The following CHCHD6 variants were observed in gnomAD, a reference collection of about 807,000 sequenced individuals.
The protein encoded by CHCHD6 is coiled-coil-helix-coiled-coil-helix domain containing 6.
CHCHD6 carries 28 observed loss-of-function variants against 32.3 expected under a neutral mutation model. The ratio of observed to expected loss-of-function variants is 0.87; its 90% CI spans 0.64 to 1.19. The LOEUF (loss-of-function observed/expected upper bound fraction) is 1.19. Ranked by LOEUF, CHCHD6 falls within the 50% of genes most tolerant of loss-of-function variation. CHCHD6 has a pLI of 0.00. For missense variants in CHCHD6, 333 were observed against 307.0 expected, an observed-to-expected ratio of 1.08 and a Z score of -0.63; for synonymous variants, 122 against 117.5, an observed-to-expected ratio of 1.04 and a Z score of -0.25.
At chr3:126,926,807 G>C (rs1358676523) in intron 6 of CHCHD6, among the ~76,000 whole-genome samples, 1 of 152,120 alleles carries the variant, frequency 6.6e-6, no homozygotes, top group Non-Finnish European at 1.5e-5. Context: ...GGCAGCATTT[G>C]GGAGAACCAA....
intron 4 of CHCHD6, among the ~76,000 whole-genome samples, chr3:126,794,341 G>T (rs138100304): frequency 2.1e-5 from 3 of 143,530 alleles, no homozygotes; most frequent in African/African-American, 7.7e-5. Context: ...CATTTAGACT[G>T]TAATGGTTCT....
intron 4 of CHCHD6, among the ~76,000 whole-genome samples, chr3:126,788,356 G>A (rs547360189): frequency 2.6e-5 from 4 of 152,336 alleles, no homozygotes; most frequent in Non-Finnish European, 4.4e-5. Context: ...AATTAGGGAT[G>A]ATTCCCTCTT....
intron 4 of CHCHD6, among the ~76,000 whole-genome samples, chr3:126,836,246 A>G (rs1370719019): frequency 6.6e-6 from 1 of 151,980 alleles, no homozygotes; most frequent in African/African-American, 2.4e-5. Flanking sequence ...GGTATTTGTT[A>G]TGGTGTTTGT....
intron 4 of CHCHD6, among the ~76,000 whole-genome samples, chr3:126,746,620 A>G (rs900179214): frequency 1.3e-5 from 2 of 152,108 alleles, no homozygotes; most frequent in Admixed American, 6.5e-5. Flanking sequence ...TGATGTCGGC[A>G]CCTTATCTTC....
At chr3:126,712,793 G>C (rs984434304) in intron 1 of CHCHD6, among the ~76,000 whole-genome samples, 1 of 152,168 alleles carries the variant, frequency 6.6e-6, no homozygotes, top group African/African-American at 2.4e-5. Flanking sequence ...ATCCAACCCA[G>C]AGCTTTCTAA....
intron 1 of CHCHD6, among the ~76,000 whole-genome samples, chr3:126,723,684 T>C (rs984045124): frequency 6.6e-6 from 1 of 152,224 alleles, no homozygotes; most frequent in African/African-American, 2.4e-5. Flanking sequence ...ATTTTCTCAG[T>C]CAGTTCTCTA....
rs1025027587 is a variant in CHCHD6 at position 126,957,786 on chromosome 3, C to A, written c.702+235C>A. 10 of 604,016 alleles carry A rather than the reference C, an allele frequency of 1.7e-5. No individual in the cohort carries two copies. In the Admixed American group the frequency reaches 2.7e-4, roughly 16 times the overall value. The allele number at this position is 604,016 out of a possible 1,614,324, so 37.4% of individuals were successfully genotyped here. A position where few individuals can be genotyped will look rare whatever the true frequency, so the allele number is the denominator to read the frequency against. ...GGCCCCAGGGAGATGATCCCTGTTG[C>A]GTTTGCCCTATTAGGCTGGGTGGGA... On this transcript the variant is annotated intron_variant, in intron 7 of 7. Transcript: ENST00000290913.
intron 4 of CHCHD6, among the ~76,000 whole-genome samples, chr3:126,846,216 G>A (rs1056876159): frequency 4.6e-5 from 7 of 152,144 alleles, no homozygotes; most frequent in African/African-American, 9.7e-5. Context: ...TTATAAGGCC[G>A]TCTTTATACA....
intron 4 of CHCHD6, among the ~76,000 whole-genome samples, chr3:126,798,205 T>G (rs1938888594): frequency 6.6e-6 from 1 of 151,970 alleles, no homozygotes. Flanking sequence ...TGGGCCAGGG[T>G]GTGAGAGGAG....
At chr3:126,918,862 T>C (rs2107592547) in intron 6 of CHCHD6, among the ~76,000 whole-genome samples, 1 of 152,370 alleles carries the variant, frequency 6.6e-6, no homozygotes, top group East Asian at 1.9e-4. Flanking sequence ...GGCTATAATT[T>C]CTGTATAAAC....
At chr3:126,812,679 A>T (rs1576447543) in intron 4 of CHCHD6, among the ~76,000 whole-genome samples, 1 of 151,540 alleles carries the variant, frequency 6.6e-6, no homozygotes, top group African/African-American at 2.4e-5. Flanking sequence ...TAATCTGCCT[A>T]CCTCAGCCTC....
intron 4 of CHCHD6, among the ~76,000 whole-genome samples, chr3:126,785,786 AG>A (rs758057866): frequency 7.6e-4 from 115 of 152,092 alleles, no homozygotes; most frequent in Non-Finnish European, 1.3e-3. Context: ...TCCTCCCCCC[AG>A]CCCCTGGTAA....
intron 4 of CHCHD6, chr3:126,766,913 G>T: frequency 9.5e-7 from 1 of 1,049,364 alleles, no homozygotes; most frequent in Non-Finnish European, 1.5e-6. Context: ...TGGCCCAGCC[G>T]GCCATAGCCA....
intron 4 of CHCHD6, among the ~76,000 whole-genome samples, chr3:126,775,163 G>T (rs1040117243): frequency 1.3e-5 from 2 of 152,168 alleles, no homozygotes; most frequent in African/African-American, 4.8e-5. Flanking sequence ...CAAAGATTTG[G>T]TTCACATTAT....
intron 4 of CHCHD6, among the ~76,000 whole-genome samples, chr3:126,802,458 G>C (rs995660401): frequency 1.4e-4 from 21 of 152,190 alleles, no homozygotes; most frequent in Non-Finnish European, 2.9e-4. Flanking sequence ...GGAAGAAAGG[G>C]TTTCAGTGAT....
At chr3:126,928,764 A>T (rs1477940965) in intron 6 of CHCHD6, among the ~76,000 whole-genome samples, 1 of 152,158 alleles carries the variant, frequency 6.6e-6, no homozygotes, top group Non-Finnish European at 1.5e-5. Flanking sequence ...TGTCCCCACC[A>T]CCACACACAC....
intron 5 of CHCHD6, among the ~76,000 whole-genome samples, chr3:126,906,060 C>T (rs1158943168): frequency 6.6e-6 from 1 of 152,186 alleles, no homozygotes; most frequent in Non-Finnish European, 1.5e-5. Context: ...GCTGCACAGA[C>T]ACCATCAGAT....
intron 5 of CHCHD6, among the ~76,000 whole-genome samples, chr3:126,860,549 A>G (rs887367842): frequency 1.3e-5 from 2 of 152,216 alleles, no homozygotes; most frequent in East Asian, 3.8e-4. Context: ...TACATATGTA[A>G]CAAACCTGCA....
intron 6 of CHCHD6, among the ~76,000 whole-genome samples, chr3:126,943,439 G>A (rs1480839295): frequency 2.0e-5 from 3 of 152,204 alleles, no homozygotes. Flanking sequence ...GGTTGTATCA[G>A]GTGTCTTGCC....
Sources: gnomAD v4.1 joint callset for allele counts (sites outside exome capture counted in the v4.1 genomes callset) on GRCh38, gnomAD v4.1.1 for gene constraint, MANE v1.5 for transcripts, NCBI Gene and HGNC (gene_info 2026-07-23, HGNC 2026-07-21) for gene names.